GMFB: variants seen among roughly 807,000 people sequenced by gnomAD.
GMFB encodes the protein GMF-beta.
Under a neutral mutation model 25.6 loss-of-function variants are expected in GMFB, and 13 were observed. That is an observed-to-expected ratio of 0.51 (90% confidence interval 0.33 to 0.81). GMFB has a LOEUF of 0.81. Among genes scored for constraint, GMFB ranks in the 30% least tolerant of loss-of-function variants. The probability of loss-of-function intolerance (pLI) is 0.02; values close to 1 mark genes in which losing one functional copy is unlikely to be tolerated. For synonymous variants in GMFB, 57 were observed against 56.9 expected (o/e 1.00, Z 0.00); for missense variants, 146 against 175.4 (o/e 0.83, Z 0.95).
In GMFB at chr14:54,478,163, TAA is replaced by T. The variant is rs76915130; in HGVS notation, c.358-6_358-5del. ...CGGTATTTCTTATTTCAAATACCTT[TAA>T]AAAAAAAAAAAACTTGGGTCATACT... On this transcript the variant is annotated splice_polypyrimidine_tract_variant and splice_region_variant and intron_variant, in intron 6 of 6. Coordinates refer to ENST00000358056, the MANE Select transcript of GMFB (RefSeq NM_004124.3). The T allele has an allele frequency of 2.8e-4, 249 of 875,740 alleles. No individual in the cohort carries two copies. The highest frequency in any genetic ancestry group is 7.2e-4 in the South Asian group (27 of 37,404). 54.2% of individuals were successfully genotyped at this position (875,740 alleles called of 1,614,324 possible).
chr14:54,480,269 C>A, intron 5 of GMFB: 1 of 160,048 alleles, frequency 6.2e-6, no homozygotes, highest in Non-Finnish European at 1.4e-5. Flanking sequence ...TTCACTCTGC[C>A]GATATATTAA....
At position 54,479,864 on chromosome 14, in the gene GMFB, A is replaced by G; in HGVS notation, c.284-5T>C. 1 of 1,566,682 alleles carries G rather than the reference A, an allele frequency of 6.4e-7. No individual in the cohort carries two copies. Among genetic ancestry groups the G allele is most frequent in the Non-Finnish European group, 8.8e-7 (1 of 1,137,536 alleles). ...TCTGTTGTTCAGGCTTACATCCTGG[A>G]AAAGAGAGATTAGTGTAGAAATGAG... On this transcript the variant is annotated splice_polypyrimidine_tract_variant and splice_region_variant and intron_variant, in intron 5 of 6. Transcript: ENST00000358056.
chr14:54,485,207 T>A (rs1485224399), intron 1 of GMFB, among the ~76,000 whole-genome samples: 1 of 151,430 alleles, frequency 6.6e-6, no homozygotes, highest in Non-Finnish European at 1.5e-5. Context: ...ATAAAAGACA[T>A]CCAAGTTAGA....
At chr14:54,482,418 C>T (rs1476089654) in intron 2 of GMFB, among the ~76,000 whole-genome samples, 3 of 152,150 alleles carry the variant, frequency 2.0e-5, no homozygotes, top group Admixed American at 6.5e-5. Context: ...ATTCCCAGTA[C>T]CTAATTTGCT....
rs1488106257 is a variant in GMFB at position 54,477,001 on chromosome 14, T to C, written c.*1087A>G. On this transcript the variant is annotated 3_prime_UTR_variant, in exon 7 of 7. Transcript: ENST00000358056. ...CATTTAGGATATAAGATGTGATTGC[T>C]ATTGAAGTGTTAATGTTATTAACTA... 1.3e-5 allele frequency: 2 copies of C among 152,026 alleles called. No homozygotes were observed. Among genetic ancestry groups the C allele is most frequent in the Non-Finnish European group, 2.9e-5 (2 of 67,884 alleles). 9.4% of individuals were successfully genotyped at this position (152,026 alleles called of 1,614,324 possible).
At chr14:54,483,796 T>C (rs1305376516) in intron 1 of GMFB, 29 bp from the exon 2 acceptor site, 1 of 1,199,328 alleles carries the variant, frequency 8.3e-7, no homozygotes, top group Non-Finnish European at 1.2e-6. Context: ...ACACATAAAA[T>C]GCCATGACTT....
intron 1 of GMFB, among the ~76,000 whole-genome samples, chr14:54,484,372 G>A (rs1399990949): frequency 4.0e-5 from 6 of 151,894 alleles, no homozygotes; most frequent in East Asian, 1.9e-4. Flanking sequence ...GAAACATTGC[G>A]ATTGATACCA....
chr14:54,485,538 G>A (rs537950397), intron 1 of GMFB, among the ~76,000 whole-genome samples: 1 of 152,248 alleles, frequency 6.6e-6, no homozygotes, highest in East Asian at 1.9e-4. Context: ...AAAATGGAAA[G>A]ATTCCAAGCT....
At chr14:54,480,840 G>T in intron 5 of GMFB, 34 bp downstream of exon 5, 1 of 1,085,322 alleles carries the variant, frequency 9.2e-7, no homozygotes, top group South Asian at 1.3e-5. Flanking sequence ...TTGGATCTAA[G>T]CCAAATATGT....
chr14:54,488,924 C>A lies in GMFB; in HGVS notation c.3+1G>T, dbSNP rs2031827995. 1 of 1,563,194 alleles carries A rather than the reference C, an allele frequency of 6.4e-7. No homozygotes were observed. Among genetic ancestry groups the A allele is most frequent in the Non-Finnish European group, 8.6e-7 (1 of 1,158,032 alleles). On this transcript the variant is annotated splice_donor_variant, in intron 1 of 6. Transcript: ENST00000358056. LOFTEE classifies it high-confidence loss of function. The stretch of plus-strand genomic sequence containing the variant: ...CCCCCGCCCTCCCAGCGGCAACTCA[C>A]CATTTTCCTTCCGGCCGTCAGCGGC...
chr14:54,481,616 A>G (rs1449135187), intron 3 of GMFB, among the ~76,000 whole-genome samples, 158 bp from the exon 4 acceptor site: 1 of 152,156 alleles, frequency 6.6e-6, no homozygotes, highest in African/African-American at 2.4e-5. Flanking sequence ...TCAGGTTACT[A>G]AATTCTCAAT....
At chr14:54,482,458 T>C (rs1020997382) in intron 2 of GMFB, among the ~76,000 whole-genome samples, 3 of 152,342 alleles carry the variant, frequency 2.0e-5, no homozygotes, top group Non-Finnish European at 4.4e-5. Flanking sequence ...ATTTCTTACA[T>C]TTCCTGTGTA....
Position 54,474,534 on chromosome 14 carries a change from CA to C in GMFB, c.*3553del, listed in dbSNP as rs1366984393. On this transcript the variant is annotated 3_prime_UTR_variant, in exon 7 of 7. Coordinates refer to ENST00000358056, the MANE Select transcript of GMFB (RefSeq NM_004124.3). ...AAACCAGTACAAGCACCATGCTTAA[CA>C]AAAGACTGTCCAAAATAAACATGCA... is the stretch of plus-strand genomic sequence containing the variant. 6.6e-5 allele frequency: 10 copies of C among 152,620 alleles called. No individual in the cohort carries two copies. The highest frequency in any genetic ancestry group is 2.2e-4 in the African/African-American group (9 of 41,442). 9.5% of individuals were successfully genotyped at this position (152,620 alleles called of 1,614,324 possible).
chr14:54,483,921 A>T (rs1489765233), intron 1 of GMFB, 154 bp from the exon 2 acceptor site: 1 of 698,562 alleles, frequency 1.4e-6, no homozygotes, highest in Non-Finnish European at 2.6e-6. Flanking sequence ...AAGAACTTTA[A>T]AATCAACCAA....
chr14:54,483,453 C>G (rs2031740362), intron 2 of GMFB: 1 of 520,676 alleles, frequency 1.9e-6, no homozygotes, highest in South Asian at 2.4e-5. Flanking sequence ...GTACAGGCAG[C>G]TGATAAAAGG....
Position 54,474,853 on chromosome 14 carries a change from G to A in GMFB, c.*3235C>T, listed in dbSNP as rs2031615401. The A allele has an allele frequency of 1.3e-5, 2 of 152,556 alleles. No homozygotes were observed. Among genetic ancestry groups the A allele is most frequent in the African/African-American group, 4.8e-5 (2 of 41,432 alleles). 9.5% of individuals were successfully genotyped at this position (152,556 alleles called of 1,614,324 possible). A position where few individuals can be genotyped will look rare whatever the true frequency, so the allele number is the denominator to read the frequency against. On this transcript the variant is annotated 3_prime_UTR_variant, in exon 7 of 7. Transcript: ENST00000358056. ...TGAGCACTGATTTGAAATGTCAAATGGCATAATAAAAACAAATTTCTCAAG... is the reference window on the plus strand; with the variant it reads ...TGAGCACTGATTTGAAATGTCAAATAGCATAATAAAAACAAATTTCTCAAG...
At chr14:54,485,974 G>T (rs1360889300) in intron 1 of GMFB, among the ~76,000 whole-genome samples, 1 of 152,186 alleles carries the variant, frequency 6.6e-6, no homozygotes, top group Non-Finnish European at 1.5e-5. Context: ...ACCCCGGGCC[G>T]GGCACAGTGG....
At chr14:54,482,481 T>C (rs763171477) in intron 2 of GMFB, among the ~76,000 whole-genome samples, 4 of 152,202 alleles carry the variant, frequency 2.6e-5, no homozygotes, top group Non-Finnish European at 4.4e-5. Flanking sequence ...TGAAAGAACT[T>C]TGTAACTCAA....
intron 6 of GMFB, chr14:54,479,520 A>G (rs569933260): frequency 8.3e-4 from 292 of 350,294 alleles, no homozygotes; most frequent in African/African-American, 5.7e-3. Flanking sequence ...CTAACTCTCA[A>G]TAGATTTAAT....
Sources: allele counts gnomAD v4.1 joint callset (sites outside exome capture counted in the v4.1 genomes callset), GRCh38; gene constraint gnomAD v4.1.1; transcripts MANE v1.5; gene names NCBI Gene and HGNC (gene_info 2026-07-23, HGNC 2026-07-21).